The following SNED1 variants were observed in gnomAD, a reference collection of about 807,000 sequenced individuals.
SNED1 encodes sushi, nidogen and EGF like domains 1.
A neutral mutation model predicts 166.7 loss-of-function variants in SNED1; 81 were observed. That is an observed-to-expected ratio of 0.49 (90% CI 0.41 to 0.58). SNED1 has a LOEUF of 0.58. Ranked by LOEUF, SNED1 falls within the 20% of genes least tolerant of loss-of-function variation. The pLI, the probability that SNED1 is intolerant of heterozygous loss-of-function variation, is 0.00. For synonymous variants in SNED1, 762 were observed against 822.0 expected (o/e 0.93, Z 1.25); for missense variants, 1,604 against 2,000.2 (o/e 0.80, Z 3.78).
intron 16 of SNED1, among the ~76,000 whole-genome samples, chr2:241,058,897 C>G (rs2062147169): frequency 6.6e-6 from 1 of 151,940 alleles, no homozygotes; most frequent in Admixed American, 6.6e-5. Context: ...TTGCAGTGAG[C>G]CAAGATCGCA....
Position 241,036,877 on chromosome 2 carries a change from C to T in SNED1, c.893C>T (p.Ser298Phe), listed in dbSNP as rs760814991. The change falls in exon 5 of 32, where the codon TCC becomes TTC. Residue 298 changes from serine to phenylalanine, a missense_variant. By Grantham distance (155) the Ser-to-Phe change is radical (BLOSUM62 -2). Transcript: ENST00000310397. Reference protein sequence around the residue: ...CVTGNPSYTCSCLSGFTGRRC... With the variant: ...CVTGNPSYTCFCLSGFTGRRC... ...ACGGGCAACCCCTCCTACACCTGCTCCTGCCTCTCGGGCTTCACGGGGCGG... is the reference window on the plus strand; with the variant it reads ...ACGGGCAACCCCTCCTACACCTGCTTCTGCCTCTCGGGCTTCACGGGGCGG... 4.3e-6 allele frequency: 7 copies of T among 1,611,706 alleles called. No homozygotes were observed. The highest frequency in any genetic ancestry group is 1.6e-4 in the Middle Eastern group (1 of 6,078).
chr2:241,024,221 T>TTTC (rs1553560137), intron 1 of SNED1, among the ~76,000 whole-genome samples: 1 of 148,112 alleles, frequency 6.8e-6, no homozygotes, highest in East Asian at 2.0e-4. Context: ...TGTAGTTGTA[T>TTTC]TTCACTCTAC....
chr2:241,061,544 G>A (rs754408192), intron 16 of SNED1, among the ~76,000 whole-genome samples: 6 of 152,090 alleles, frequency 3.9e-5, no homozygotes, highest in South Asian at 2.1e-4. Flanking sequence ...AAAACTTCAC[G>A]TCTGCACCAG....
intron 27 of SNED1, among the ~76,000 whole-genome samples, chr2:241,076,349 T>A (rs1256213560): frequency 6.6e-6 from 1 of 152,228 alleles, no homozygotes; most frequent in East Asian, 1.9e-4. Context: ...TTCAGACTTA[T>A]TCCTAGGTAT....
intron 1 of SNED1, among the ~76,000 whole-genome samples, chr2:241,001,637 C>T (rs1052998384): frequency 9.2e-5 from 14 of 152,218 alleles, no homozygotes; most frequent in African/African-American, 2.9e-4. Context: ...TGCATTAAGA[C>T]GGAGCTTGCC....
intron 1 of SNED1, among the ~76,000 whole-genome samples, chr2:241,027,428 G>T (rs1286022481): frequency 6.6e-6 from 1 of 152,204 alleles, no homozygotes; most frequent in Non-Finnish European, 1.5e-5. Flanking sequence ...TTGTATGGAT[G>T]TGCTACATTT....
chr2:241,081,416 TTTTG>T (rs1445712385), intron 27 of SNED1, among the ~76,000 whole-genome samples: 3 of 152,140 alleles, frequency 2.0e-5, no homozygotes, highest in East Asian at 1.9e-4. Flanking sequence ...TCCTCCTTGT[TTTTG>T]TTTGTCTTCC....
intron 31 of SNED1, chr2:241,089,971 A>T (rs781536054): frequency 9.1e-6 from 14 of 1,546,782 alleles, no homozygotes; most frequent in South Asian, 8.4e-5. Context: ...AAGATAAAAA[A>T]TGGTATACCT....
chr2:241,056,430 G>A (rs764056240), intron 16 of SNED1, among the ~76,000 whole-genome samples: 7 of 150,866 alleles, frequency 4.6e-5, no homozygotes, highest in Non-Finnish European at 1.0e-4. Context: ...TGAATAAATT[G>A]GATAGGCTTA....
chr2:241,055,595 G>A (rs1238909172), intron 16 of SNED1, among the ~76,000 whole-genome samples: 1 of 152,194 alleles, frequency 6.6e-6, no homozygotes, highest in Non-Finnish European at 1.5e-5. Context: ...AAGAGTTGAG[G>A]AGGCAGAGAA....
At chr2:241,078,186 A>T (rs372091117) in intron 27 of SNED1, among the ~76,000 whole-genome samples, 1 of 151,212 alleles carries the variant, frequency 6.6e-6, no homozygotes. Flanking sequence ...CGTTCGAGAC[A>T]AGTCTGGCCA....
chr2:241,043,806 A>C (rs972070596), intron 8 of SNED1, among the ~76,000 whole-genome samples: 1 of 152,230 alleles, frequency 6.6e-6, no homozygotes, highest in Non-Finnish European at 1.5e-5. Context: ...ATGTGAAAGC[A>C]GCCAGCCATA....
At position 241,065,611 on chromosome 2, in the gene SNED1, C is replaced by G. The variant is rs1418899246; in HGVS notation, c.3010+16C>G. 2.5e-6 allele frequency: 4 copies of G among 1,605,796 alleles called. No individual in the cohort carries two copies. The highest frequency in any genetic ancestry group is 3.4e-6 in the Non-Finnish European group (4 of 1,177,076). The stretch of plus-strand genomic sequence containing the variant: ...GCCCGCACGCGTGAGTGTCCCCGAG[C>G]CTGGCCGTCCCTGCCCAGCCCCTGC... On this transcript the variant is annotated intron_variant, in intron 21 of 31. Coordinates refer to ENST00000310397, the MANE Select transcript of SNED1 (RefSeq NM_001080437.3).
At chr2:241,082,596 G>A (rs1045484488) in intron 29 of SNED1, among the ~76,000 whole-genome samples, 5 of 152,182 alleles carry the variant, frequency 3.3e-5, no homozygotes, top group Admixed American at 6.5e-5. Flanking sequence ...TGAGAAGAAC[G>A]CAGGCTCCTG....
Position 241,087,906 on chromosome 2 carries a change from C to T in SNED1, c.4205+431C>T, listed in dbSNP as rs528220220. On this transcript the variant is annotated intron_variant, in intron 30 of 31. Coordinates refer to ENST00000310397, the MANE Select transcript of SNED1 (RefSeq NM_001080437.3). ...TGTTTGGCGTTTGCTGAAAGAAGTA[C>T]GTGAGAATATTATATGCTTTAGAAA... 4.8e-5 allele frequency: 20 copies of T among 418,466 alleles called. No homozygotes were observed. The South Asian group carries it at 1.3e-3, about 27-fold the overall frequency. The allele number at this position is 418,466 out of a possible 1,614,324, so 25.9% of individuals were successfully genotyped here. A position where few individuals can be genotyped will look rare whatever the true frequency, so the allele number is the denominator to read the frequency against.
chr2:241,059,002 A>C (rs2062151324), intron 16 of SNED1, among the ~76,000 whole-genome samples: 2 of 152,198 alleles, frequency 1.3e-5, no homozygotes, highest in South Asian at 4.1e-4. Flanking sequence ...TGATCAGGAA[A>C]AAAAGAGAGA....
intron 1 of SNED1, among the ~76,000 whole-genome samples, chr2:241,011,002 C>A (rs898039950): frequency 2.0e-5 from 3 of 151,976 alleles, no homozygotes; most frequent in African/African-American, 7.3e-5. Flanking sequence ...CAGGGCCTGC[C>A]GCAGCATCTC....
intron 1 of SNED1, among the ~76,000 whole-genome samples, chr2:241,007,570 A>G (rs534960963): frequency 6.6e-6 from 1 of 152,344 alleles, no homozygotes; most frequent in Admixed American, 6.5e-5. Flanking sequence ...TCTTGTGATC[A>G]TTGGGATGAT....
chr2:241,017,374 G>A (rs2060629911), intron 1 of SNED1, among the ~76,000 whole-genome samples: 2 of 152,212 alleles, frequency 1.3e-5, no homozygotes, highest in Admixed American at 6.5e-5. Flanking sequence ...CCAAGGAGAC[G>A]CCGTACACAG....
Sources: gnomAD v4.1 joint callset for allele counts (sites outside exome capture counted in the v4.1 genomes callset) on GRCh38, gnomAD v4.1.1 for gene constraint, MANE v1.5 for transcripts, NCBI Gene and HGNC (gene_info 2026-07-23, HGNC 2026-07-21) for gene names.